RAB18: variants seen among roughly 807,000 people sequenced by gnomAD.
RAB18 encodes ras-related protein Rab-18.
A neutral mutation model predicts 28.5 loss-of-function variants in RAB18; 10 were observed. The ratio of observed to expected loss-of-function variants is 0.35; its 90% CI spans 0.22 to 0.60. The LOEUF (loss-of-function observed/expected upper bound fraction) is 0.60, where lower values mean the gene tolerates loss of function less well. Ranked by LOEUF, RAB18 falls within the 20% of genes least tolerant of loss-of-function variation. RAB18 has a pLI of 0.78. For missense variants in RAB18, 188 were observed against 244.2 expected (o/e 0.77, Z 1.53); for synonymous variants, 93 against 86.9 (o/e 1.07, Z -0.39).
At chr10:27,504,490 G>T (rs1231715066) in intron 1 of RAB18, 53 bp downstream of exon 1, 1 of 1,534,990 alleles carries the variant, frequency 6.5e-7, no homozygotes, top group Non-Finnish European at 8.8e-7. Context: ...TTCTGCCCCG[G>T]TGGCTGCTGT....
At chr10:27,524,635 C>T (rs771649627) in intron 2 of RAB18, among the ~76,000 whole-genome samples, 2 of 152,184 alleles carry the variant, frequency 1.3e-5, no homozygotes, top group African/African-American at 2.4e-5. Flanking sequence ...GATGACAGTT[C>T]TTCTGTTTCT....
intron 6 of RAB18, among the ~76,000 whole-genome samples, chr10:27,536,267 A>G (rs1055186910): frequency 6.6e-6 from 1 of 152,300 alleles, no homozygotes; most frequent in East Asian, 1.9e-4. Flanking sequence ...ACCGGTGGAC[A>G]TGGTGGTCAT....
chr10:27,516,944 T>C (rs1564829944), intron 2 of RAB18, among the ~76,000 whole-genome samples: 3 of 152,204 alleles, frequency 2.0e-5, no homozygotes, highest in Non-Finnish European at 4.4e-5. Context: ...GTTAATGCAC[T>C]GGACAGAATA....
intron 6 of RAB18, among the ~76,000 whole-genome samples, chr10:27,537,179 T>C (rs1589592904): frequency 6.6e-6 from 1 of 152,334 alleles, no homozygotes; most frequent in African/African-American, 2.4e-5. Context: ...AGGATACATA[T>C]GCAGGTAGCT....
At position 27,541,410 on chromosome 10, in the gene RAB18, G is replaced by GA. The variant is rs1335502177; in HGVS notation, c.*3360dup. ...ATCTATCATGCTGGAGGACTACTGT[G>GA]ATGGGGCTTTACATTTTACTGTTTT... On this transcript the variant is annotated 3_prime_UTR_variant, in exon 7 of 7. Coordinates refer to ENST00000356940, the MANE Select transcript of RAB18 (RefSeq NM_021252.5). 2.2e-5 allele frequency: 10 copies of GA among 452,922 alleles called. No homozygotes were observed. The East Asian group carries it at 6.3e-4, about 29-fold the overall frequency. 28.1% of individuals were successfully genotyped at this position (452,922 alleles called of 1,614,324 possible).
At chr10:27,510,503 G>A (rs572732273) in intron 2 of RAB18, 2 of 160,824 alleles carry the variant, frequency 1.2e-5, no homozygotes, top group East Asian at 3.6e-4. Flanking sequence ...ACTAACTTAT[G>A]AGAATATATG....
chr10:27,533,562 AAAC>A (rs1004357314), intron 4 of RAB18, among the ~76,000 whole-genome samples, 170 bp from the exon 5 acceptor site: 1 of 152,132 alleles, frequency 6.6e-6, no homozygotes, highest in African/African-American at 2.4e-5. Context: ...TTTAAAAAAA[AAAC>A]ACTTGTTTCT....
chr10:27,512,080 A>G (rs1199647101), intron 2 of RAB18, among the ~76,000 whole-genome samples: 2 of 151,996 alleles, frequency 1.3e-5, no homozygotes, highest in African/African-American at 4.8e-5. Context: ...ATGTACCACC[A>G]TGCCCAGCTC....
rs1030748693 is a variant in RAB18 at position 27,521,267 on chromosome 10, A to C, written c.125-5561A>C. On this transcript the variant is annotated intron_variant, in intron 2 of 6. Transcript: ENST00000356940. ...TTGAAAAAAATTTGTTGTTATACGG[A>C]GTATTCTGTTGGCTCTAATTGGCCT... Among the ~76,000 whole-genome samples the C allele has an allele frequency of 1.0e-4, 15 of 150,326 alleles. 1 individual carries two copies. Among genetic ancestry groups the C allele is most frequent in the African/African-American group, 3.8e-4 (15 of 39,726 alleles).
At position 27,541,887 on chromosome 10, in the gene RAB18, G is replaced by T. The variant is rs758824080; in HGVS notation, c.*3836G>T. ...GTTTGGGTGGCATTGTCACACCCTC[G>T]GCTTTCTAGATTAACCCAGTTACCT... On this transcript the variant is annotated 3_prime_UTR_variant, in exon 7 of 7. Coordinates refer to ENST00000356940, the MANE Select transcript of RAB18 (RefSeq NM_021252.5). 1.6e-5 allele frequency: 7 copies of T among 447,520 alleles called. No individual in the cohort carries two copies. Among genetic ancestry groups the T allele is most frequent in the South Asian group, 7.8e-5 (5 of 63,826 alleles). 27.7% of individuals were successfully genotyped at this position (447,520 alleles called of 1,614,324 possible). A position where few individuals can be genotyped will look rare whatever the true frequency, so the allele number is the denominator to read the frequency against.
At chr10:27,534,089 G>A (rs1393012683) in intron 6 of RAB18, 95 bp downstream of exon 6, 22 of 1,197,112 alleles carry the variant, frequency 1.8e-5, no homozygotes, top group Admixed American at 1.7e-5. Context: ...ACCATAAAAT[G>A]TGTTTAGAGT....
rs34647017 is a variant in RAB18 at position 27,541,635 on chromosome 10, CT to C, written c.*3597del. The stretch of plus-strand genomic sequence containing the variant: ...CGTTTCTCATGCAGGTTATTTCTTG[CT>C]TTTTTTTTTTTTCCTCTTTTTTAAC... On this transcript the variant is annotated 3_prime_UTR_variant, in exon 7 of 7. Coordinates refer to ENST00000356940, the MANE Select transcript of RAB18 (RefSeq NM_021252.5). The C allele has an allele frequency of 0.37, 134,718 of 360,136 alleles. 7,554 individuals carry two copies. The highest frequency in any genetic ancestry group is 0.42 in the Non-Finnish European group (74,905 of 178,832). The allele number at this position is 360,136 out of a possible 1,614,324, so 22.3% of individuals were successfully genotyped here. A position where few individuals can be genotyped will look rare whatever the true frequency, so the allele number is the denominator to read the frequency against.
chr10:27,520,793 T>C (rs1454981313), intron 2 of RAB18, among the ~76,000 whole-genome samples: 4 of 151,476 alleles, frequency 2.6e-5, no homozygotes, highest in South Asian at 2.1e-4. Context: ...GGCGGGCACC[T>C]GTAATCCCAG....
intron 1 of RAB18, 188 bp downstream of exon 1, chr10:27,504,625 G>C (rs997123133): frequency 2.6e-6 from 2 of 772,854 alleles, no homozygotes; most frequent in East Asian, 2.6e-5. Flanking sequence ...ACCCGCGCCT[G>C]CCTGGTTCCC....
At chr10:27,513,035 T>A (rs867745877) in intron 2 of RAB18, among the ~76,000 whole-genome samples, 4,905 of 125,980 alleles carry the variant, frequency 0.039, 111 homozygotes, top group African/African-American at 0.086. Flanking sequence ...TATATATATT[T>A]TTTTTTTTTT....
chr10:27,531,733 G>T (rs11015851), intron 3 of RAB18: 7,492 of 549,914 alleles, frequency 0.014, 393 homozygotes, highest in African/African-American at 0.12. Flanking sequence ...ATGGTAGAAA[G>T]ACAAGAGAGA....
Position 27,539,532 on chromosome 10 carries a change from A to T in RAB18, c.*1481A>T, listed in dbSNP as rs1159858987. On this transcript the variant is annotated 3_prime_UTR_variant, in exon 7 of 7. Transcript: ENST00000356940. ...TTATACATTCTATATGCTTTTACTA[A>T]ATATACAAGATTTACTACTAGAAAT... 2 of 389,374 alleles carry T rather than the reference A, an allele frequency of 5.1e-6. No homozygotes were observed. The highest frequency in any genetic ancestry group is 4.0e-5 in the South Asian group (2 of 50,296). 24.1% of individuals were successfully genotyped at this position (389,374 alleles called of 1,614,324 possible).
intron 1 of RAB18, among the ~76,000 whole-genome samples, chr10:27,508,130 G>A (rs983945312): frequency 6.6e-6 from 1 of 151,894 alleles, no homozygotes; most frequent in African/African-American, 2.4e-5. Context: ...ATAGAGAAAT[G>A]GACTCTCTGC....
rs1248263798 is a variant in RAB18, at chr10:27,528,033, G to A, written c.186+1144G>A. ...ATGTTGGACTAGAGTATGGTAAAATGTGTTGAACGATATAAGAATGTTGGC... is the reference window on the plus strand; with the variant it reads ...ATGTTGGACTAGAGTATGGTAAAATATGTTGAACGATATAAGAATGTTGGC... On this transcript the variant is annotated intron_variant, in intron 3 of 6. Transcript: ENST00000356940. Among the ~76,000 whole-genome samples, 4 of 152,098 alleles carry A rather than the reference G, an allele frequency of 2.6e-5. No individual in the cohort carries two copies. In the East Asian group the frequency reaches 7.7e-4, roughly 29 times the overall value.
Sources: gnomAD v4.1 joint callset for allele counts (sites outside exome capture counted in the v4.1 genomes callset) on GRCh38, gnomAD v4.1.1 for gene constraint, MANE v1.5 for transcripts, NCBI Gene and HGNC (gene_info 2026-07-23, HGNC 2026-07-21) for gene names.